RPS6KA6: variants seen among roughly 807,000 people sequenced by gnomAD.
RPS6KA6 encodes the protein ribosomal protein S6 kinase A6, also known as ribosomal protein S6 kinase alpha-6.
A neutral mutation model predicts 65.4 loss-of-function variants in RPS6KA6; 27 were observed. The ratio of observed to expected loss-of-function variants is 0.41; its 90% CI spans 0.30 to 0.57. The LOEUF is 0.57. RPS6KA6 is among the 20% of genes least tolerant of loss of function. The pLI, the probability that RPS6KA6 is intolerant of heterozygous loss-of-function variation, is 0.24. For synonymous variants in RPS6KA6, 190 were observed against 184.2 expected (o/e 1.03, Z -0.26); for missense variants, 486 against 555.6 (o/e 0.87, Z 1.26).
rs1178147751 is a variant in RPS6KA6 at position 84,158,666 on chromosome X, C to T, written c.142-2475G>A. ...TGTTGTACTCAACACAAATAAAGGA[C>T]ACAATAACCCCTGAATATTAACCTA... On this transcript the variant is annotated intron_variant, in intron 2 of 21. Coordinates refer to ENST00000262752, the MANE Select transcript of RPS6KA6 (RefSeq NM_014496.5). Among the ~76,000 whole-genome samples, 4 of 111,223 alleles carry T rather than the reference C, an allele frequency of 3.6e-5. No homozygotes were observed. In the East Asian group the frequency reaches 8.4e-4, roughly 23 times the overall value.
At chrX:84,167,029 T>A in intron 1 of RPS6KA6, among the ~76,000 whole-genome samples, 1 of 108,126 alleles carries the variant, frequency 9.2e-6, no homozygotes, top group East Asian at 2.9e-4. Flanking sequence ...CCAAACAGAA[T>A]AAAATTAAAG....
chrX:84,148,478 A>G (rs1156911504), intron 3 of RPS6KA6, among the ~76,000 whole-genome samples: 2 of 111,408 alleles, frequency 1.8e-5, no homozygotes, highest in African/African-American at 6.5e-5. Context: ...TTAGTTTTTA[A>G]TCAAAAAAAC....
chrX:84,090,801 A>C (rs1235931087), intron 20 of RPS6KA6, among the ~76,000 whole-genome samples: 3 of 111,798 alleles, frequency 2.7e-5, no homozygotes, highest in Non-Finnish European at 5.6e-5. Flanking sequence ...GAGTTTGGAC[A>C]CAGCCAAAAC....
chrX:84,163,376 A>C (rs1184639839), intron 2 of RPS6KA6, among the ~76,000 whole-genome samples: 1 of 109,841 alleles, frequency 9.1e-6, no homozygotes, highest in Non-Finnish European at 1.9e-5. Context: ...GCGGTGGCTC[A>C]CGCCTGTAAT....
chrX:84,145,317 T>C (rs888374140), intron 6 of RPS6KA6, among the ~76,000 whole-genome samples, 161 bp downstream of exon 6: 2 of 111,369 alleles, frequency 1.8e-5, no homozygotes, highest in Admixed American at 9.6e-5. Context: ...ATTGAGATGA[T>C]AGAAAATGCC....
At chrX:84,131,179 G>T (rs1040533980) in intron 8 of RPS6KA6, among the ~76,000 whole-genome samples, 1 of 111,125 alleles carries the variant, frequency 9.0e-6, no homozygotes, top group Non-Finnish European at 1.9e-5. Flanking sequence ...ACATCAGAAG[G>T]ATGAGTTTTA....
chrX:84,079,403 C>T (rs1262205328), intron 20 of RPS6KA6, among the ~76,000 whole-genome samples: 2 of 110,756 alleles, frequency 1.8e-5, no homozygotes, highest in Admixed American at 9.6e-5. Flanking sequence ...TTTGGGCAGA[C>T]ACTGAGCTAG....
At chrX:84,094,313 A>G (rs1442336784) in intron 20 of RPS6KA6, among the ~76,000 whole-genome samples, 1 of 102,624 alleles carries the variant, frequency 9.7e-6, no homozygotes, top group Admixed American at 1.1e-4. Context: ...AAAGGGAAAA[A>G]AAAAAAAAAA....
intron 20 of RPS6KA6, among the ~76,000 whole-genome samples, chrX:84,087,096 A>C (rs1251287073): frequency 9.0e-6 from 1 of 111,186 alleles, no homozygotes; most frequent in African/African-American, 3.3e-5. Flanking sequence ...TTGGGTCTTG[A>C]CTGTTTATCC....
In RPS6KA6 at chrX:84,059,666, G is replaced by A. The variant is rs745445951; in HGVS notation, c.*4611C>T. The A allele has an allele frequency of 4.5e-5, 5 of 111,518 alleles. No individual in the cohort carries two copies. The South Asian group carries it at 1.1e-3, about 25-fold the overall frequency. 9.2% of individuals were successfully genotyped at this position (111,518 alleles called of 1,213,427 possible). ...TAGTACATTCTCTATAATTGTCCACGTAAAATTAAATGCTTAATACCTTTT... is the reference window on the plus strand; with the variant it reads ...TAGTACATTCTCTATAATTGTCCACATAAAATTAAATGCTTAATACCTTTT... On this transcript the variant is annotated 3_prime_UTR_variant, in exon 22 of 22. Transcript: ENST00000262752.
chrX:84,186,807 G>A (rs1322942744), intron 1 of RPS6KA6: 1 of 111,589 alleles, frequency 9.0e-6, no homozygotes, highest in Non-Finnish European at 1.9e-5. Flanking sequence ...CTATTTTTAG[G>A]AGGTGTATGG....
intron 2 of RPS6KA6, among the ~76,000 whole-genome samples, chrX:84,158,177 T>A (rs1016580792): frequency 9.0e-6 from 1 of 110,537 alleles, no homozygotes; most frequent in Non-Finnish European, 1.9e-5. Flanking sequence ...CTGCTCAATA[T>A]TATAAAAGAA....
Position 84,067,904 on chromosome X carries a change from G to A in RPS6KA6, c.1972-2793C>T, listed in dbSNP as rs1273697189. Among the ~76,000 whole-genome samples, 4 of 112,028 alleles carry A rather than the reference G, an allele frequency of 3.6e-5. No homozygotes were observed. In the East Asian group the frequency reaches 1.1e-3, roughly 32 times the overall value. Reference sequence around the variant, plus strand: ...TTAACCTACAAAGGGAAGCTCATCAGACTAACAGTAGATCTCTCTGCAGAA... The same window carrying A: ...TTAACCTACAAAGGGAAGCTCATCAAACTAACAGTAGATCTCTCTGCAGAA... On this transcript the variant is annotated intron_variant, in intron 20 of 21. Coordinates refer to ENST00000262752, the MANE Select transcript of RPS6KA6 (RefSeq NM_014496.5).
At chrX:84,179,696 A>G (rs1212341249) in intron 1 of RPS6KA6, among the ~76,000 whole-genome samples, 1 of 111,898 alleles carries the variant, frequency 8.9e-6, no homozygotes, top group Non-Finnish European at 1.9e-5. Context: ...GATAAACACA[A>G]TAAATGTTTT....
intron 2 of RPS6KA6, among the ~76,000 whole-genome samples, chrX:84,159,676 T>C (rs2035479763): frequency 9.0e-6 from 1 of 111,107 alleles, no homozygotes; most frequent in Non-Finnish European, 1.9e-5. Flanking sequence ...ACAAGTATGC[T>C]ATGGGCTAAA....
intron 1 of RPS6KA6, among the ~76,000 whole-genome samples, chrX:84,177,363 C>T (rs1041258666): frequency 3.6e-5 from 4 of 111,286 alleles, no homozygotes; most frequent in Non-Finnish European, 7.5e-5. Context: ...CTTCTAAGTG[C>T]TTTACATATA....
At chrX:84,163,629 G>C (rs1374605416) in intron 2 of RPS6KA6, among the ~76,000 whole-genome samples, 2 of 79,891 alleles carry the variant, frequency 2.5e-5, no homozygotes, top group African/African-American at 1.0e-4. Flanking sequence ...CTGGGCGACA[G>C]AGCGAGACTC....
At chrX:84,105,903 T>C in intron 15 of RPS6KA6, 27 bp from the exon 16 acceptor site, 2 of 854,176 alleles carry the variant, frequency 2.3e-6, no homozygotes, top group South Asian at 2.4e-5. Context: ...AAGAAAAATA[T>C]CTGAGGCAAA....
At chrX:84,103,472 G>GTTTA (rs1374482020) in intron 17 of RPS6KA6, among the ~76,000 whole-genome samples, 1 of 111,211 alleles carries the variant, frequency 9.0e-6, no homozygotes, top group Non-Finnish European at 1.9e-5. Flanking sequence ...TTTAATCAGA[G>GTTTA]TTTACTATGC....
Sources: allele counts gnomAD v4.1 joint callset (sites outside exome capture counted in the v4.1 genomes callset), GRCh38; gene constraint gnomAD v4.1.1; transcripts MANE v1.5; gene names NCBI Gene and HGNC (gene_info 2026-07-23, HGNC 2026-07-21).